Variants in GXYLT2 observed in about 807,000 individuals in gnomAD.
GXYLT2 encodes the protein glycosyltransferase 8 domain containing 4.
GXYLT2 carries 53 observed loss-of-function variants against 45.8 expected under a neutral mutation model. That is an observed-to-expected ratio of 1.16 (90% CI 0.93 to 1.46). The LOEUF (loss-of-function observed/expected upper bound fraction) is 1.46. Ranked by LOEUF, GXYLT2 falls within the 40% of genes most tolerant of loss-of-function variation. GXYLT2 has a pLI of 0.00. For synonymous variants in GXYLT2, 219 were observed against 214.2 expected, an observed-to-expected ratio of 1.02 and a Z score of -0.19; for missense variants, 551 against 544.4, an observed-to-expected ratio of 1.01 and a Z score of -0.12.
intron 3 of GXYLT2, 87 bp downstream of exon 3, chr3:72,922,422 A>C (rs1709848212): frequency 7.6e-7 from 1 of 1,316,012 alleles, no homozygotes; most frequent in South Asian, 1.4e-5. Flanking sequence ...CATTTAACTT[A>C]ACAGCTGAAA....
rs373843599 is a variant in GXYLT2 at position 72,913,296 on chromosome 3, C to A, written c.468+4737C>A. On this transcript the variant is annotated intron_variant, in intron 2 of 6. Coordinates refer to ENST00000389617, the MANE Select transcript of GXYLT2 (RefSeq NM_001080393.2). ...CTCGTGATCCGCCCGCCTCGGCCTC[C>A]CAAAGTGCTGGGATTACAAGCGTGA... 1.8e-4 allele frequency among the ~76,000 whole-genome samples: 27 copies of A among 151,646 alleles called. No individual in the cohort carries two copies. In the East Asian group the frequency reaches 2.8e-3, roughly 16 times the overall value.
intron 3 of GXYLT2, among the ~76,000 whole-genome samples, chr3:72,953,332 C>T (rs1319930109): frequency 6.6e-6 from 1 of 152,082 alleles, no homozygotes; most frequent in African/African-American, 2.4e-5. Flanking sequence ...CTCTGTCGCA[C>T]AGGCTGGAGT....
intron 3 of GXYLT2, among the ~76,000 whole-genome samples, chr3:72,925,181 G>T (rs1335169375): frequency 1.4e-5 from 2 of 144,946 alleles, no homozygotes; most frequent in African/African-American, 2.7e-5. Context: ...TTTTGAGACA[G>T]AGTCTCACTC....
intron 3 of GXYLT2, among the ~76,000 whole-genome samples, chr3:72,944,723 C>G (rs1229042549): frequency 6.6e-6 from 1 of 152,106 alleles, no homozygotes; most frequent in East Asian, 1.9e-4. Context: ...GTTTCCCTCT[C>G]TGAAATTCAC....
intron 2 of GXYLT2, among the ~76,000 whole-genome samples, chr3:72,917,497 C>T (rs1709763508): frequency 6.6e-6 from 1 of 152,152 alleles, no homozygotes; most frequent in South Asian, 2.1e-4. Context: ...TTGTCTGTCA[C>T]TCCTTTCCTA....
Position 72,888,178 on chromosome 3 carries a change from G to C in GXYLT2, c.-56G>C, listed in dbSNP as rs1246431885. 2.0e-6 allele frequency: 2 copies of C among 980,054 alleles called. No individual in the cohort carries two copies. The highest frequency in any genetic ancestry group is 1.8e-5 in the African/African-American group (1 of 56,362). 60.7% of individuals were successfully genotyped at this position (980,054 alleles called of 1,614,324 possible). A position where few individuals can be genotyped will look rare whatever the true frequency, so the allele number is the denominator to read the frequency against. On this transcript the variant is annotated 5_prime_UTR_variant, in exon 1 of 7. Transcript: ENST00000389617. ...CTGCTGCACTCATCCTGCCGCCGCC[G>C]CGATGCGCAGAGGGGCCGAGCCGCC...
intron 1 of GXYLT2, among the ~76,000 whole-genome samples, chr3:72,902,110 T>C (rs1456018214): frequency 6.6e-6 from 1 of 152,206 alleles, no homozygotes; most frequent in Non-Finnish European, 1.5e-5. Flanking sequence ...AGTTGGACTT[T>C]TTGGCTATTG....
intron 1 of GXYLT2, among the ~76,000 whole-genome samples, chr3:72,901,530 C>T (rs1451464560): frequency 6.7e-6 from 1 of 148,820 alleles, no homozygotes; most frequent in African/African-American, 2.5e-5. Context: ...TCCATCATCA[C>T]CATAGAATTT....
intron 1 of GXYLT2, among the ~76,000 whole-genome samples, chr3:72,889,090 C>A (rs566062328): frequency 6.6e-6 from 1 of 152,162 alleles, no homozygotes; most frequent in Non-Finnish European, 1.5e-5. Flanking sequence ...GTTTCAGGCT[C>A]GAGTGTGGTC....
intron 1 of GXYLT2, among the ~76,000 whole-genome samples, chr3:72,899,173 A>G (rs1437214789): frequency 6.6e-6 from 1 of 152,178 alleles, no homozygotes. Context: ...TATGTGCACG[A>G]TGATGTCTAA....
chr3:72,934,184 A>G (rs1710133932), intron 3 of GXYLT2, among the ~76,000 whole-genome samples: 1 of 150,478 alleles, frequency 6.6e-6, no homozygotes, highest in Non-Finnish European at 1.5e-5. Flanking sequence ...TCCTGGGTTC[A>G]AGTGATCCTT....
chr3:72,893,965 A>G (rs767151456), intron 1 of GXYLT2, among the ~76,000 whole-genome samples: 4 of 152,138 alleles, frequency 2.6e-5, no homozygotes, highest in Non-Finnish European at 5.9e-5. Context: ...AAGCCTGTCA[A>G]TACATTCATT....
intron 1 of GXYLT2, among the ~76,000 whole-genome samples, chr3:72,894,878 A>G (rs1027190136): frequency 2.0e-5 from 3 of 152,092 alleles, no homozygotes; most frequent in Admixed American, 6.5e-5. Flanking sequence ...TGTCCAACCC[A>G]CTGCCACTGG....
intron 3 of GXYLT2, among the ~76,000 whole-genome samples, chr3:72,931,678 A>G (rs891900512): frequency 4.6e-5 from 7 of 152,064 alleles, no homozygotes; most frequent in Non-Finnish European, 8.8e-5. Flanking sequence ...CAGCAGTACA[A>G]ATGAGGAAAG....
chr3:72,896,706 G>A (rs547496216), intron 1 of GXYLT2, among the ~76,000 whole-genome samples: 2 of 152,128 alleles, frequency 1.3e-5, no homozygotes, highest in South Asian at 2.1e-4. Context: ...AAAATTAGCC[G>A]GGCATGGTGG....
intron 1 of GXYLT2, among the ~76,000 whole-genome samples, chr3:72,901,318 C>T (rs943000120): frequency 2.7e-5 from 4 of 147,552 alleles, no homozygotes; most frequent in African/African-American, 1.0e-4. Context: ...ATTAGCTGGG[C>T]ATTGTGGCAC....
chr3:72,953,742 A>G (rs1247710634), intron 3 of GXYLT2, among the ~76,000 whole-genome samples: 1 of 152,196 alleles, frequency 6.6e-6, no homozygotes. Context: ...ATGCTGATAC[A>G]CAAACAAAGC....
At chr3:72,920,625 T>C (rs1474784600) in intron 2 of GXYLT2, among the ~76,000 whole-genome samples, 1 of 152,072 alleles carries the variant, frequency 6.6e-6, no homozygotes. Flanking sequence ...TTAAAAATTT[T>C]GTTATAAAAT....
At chr3:72,953,225 T>C (rs895618336) in intron 3 of GXYLT2, among the ~76,000 whole-genome samples, 1 of 152,100 alleles carries the variant, frequency 6.6e-6, no homozygotes, top group African/African-American at 2.4e-5. Context: ...TTATATGAAA[T>C]TCAAACTTCC....
Sources: gnomAD v4.1 joint callset for allele counts (sites outside exome capture counted in the v4.1 genomes callset) on GRCh38, gnomAD v4.1.1 for gene constraint, MANE v1.5 for transcripts, NCBI Gene and HGNC (gene_info 2026-07-23, HGNC 2026-07-21) for gene names.